Variants in GABRA2 observed in about 807,000 individuals in gnomAD.
GABRA2 encodes the protein gamma-aminobutyric acid receptor subunit alpha-2.
A neutral mutation model predicts 48.7 loss-of-function variants in GABRA2; 16 were observed. That is an observed-to-expected ratio of 0.33 (90% CI 0.22 to 0.50). The LOEUF (loss-of-function observed/expected upper bound fraction) is 0.50. GABRA2 is among the 20% of genes least tolerant of loss of function. GABRA2 has a pLI of 0.98. For synonymous variants in GABRA2, 185 were observed against 184.5 expected, an observed-to-expected ratio of 1.00 and a Z score of -0.02; for missense variants, 275 against 535.6, an observed-to-expected ratio of 0.51 and a Z score of 4.80.
intron 3 of GABRA2, among the ~76,000 whole-genome samples, chr4:46,360,858 A>C (rs1713064495): frequency 6.6e-6 from 1 of 152,230 alleles, no homozygotes; most frequent in Non-Finnish European, 1.5e-5. Flanking sequence ...TGGGAACTGG[A>C]GCAAAGATGA....
chr4:46,379,444 C>T (rs559516096), intron 3 of GABRA2, among the ~76,000 whole-genome samples: 1 of 152,174 alleles, frequency 6.6e-6, no homozygotes, highest in South Asian at 2.1e-4. Flanking sequence ...TGATATCAGT[C>T]ATTTACACTT....
intron 8 of GABRA2, among the ~76,000 whole-genome samples, chr4:46,272,110 A>G (rs1437138775): frequency 6.6e-6 from 1 of 151,974 alleles, no homozygotes; most frequent in Non-Finnish European, 1.5e-5. Flanking sequence ...AATTCTCCTA[A>G]TGCTGCAGTA....
Position 46,291,747 on chromosome 4 carries a change from T to C in GABRA2, c.856+11713A>G, listed in dbSNP as rs563440052. On this transcript the variant is annotated intron_variant, in intron 8 of 9. Coordinates refer to ENST00000381620, the MANE Select transcript of GABRA2 (RefSeq NM_000807.4). ...TGTGTGACCTTCTGACTTGTGATCA[T>C]GTGAGTTAATACTATTAATAAACAC... Among the ~76,000 whole-genome samples the C allele has an allele frequency of 2.0e-5, 3 of 150,196 alleles. No individual in the cohort carries two copies. In the South Asian group the frequency reaches 6.3e-4, roughly 31 times the overall value.
intron 8 of GABRA2, among the ~76,000 whole-genome samples, chr4:46,292,403 G>C (rs900964287): frequency 2.6e-5 from 4 of 152,166 alleles, no homozygotes; most frequent in Non-Finnish European, 4.4e-5. Context: ...GGTGTCTACT[G>C]TTAAAGTGAG....
intron 3 of GABRA2, among the ~76,000 whole-genome samples, chr4:46,359,491 G>A (rs1712801122): frequency 6.6e-6 from 1 of 152,070 alleles, no homozygotes; most frequent in Admixed American, 6.5e-5. Flanking sequence ...TCAGAAATGT[G>A]TAACTACAAC....
chr4:46,295,151 A>G (rs1034554804), intron 8 of GABRA2, among the ~76,000 whole-genome samples: 4 of 152,224 alleles, frequency 2.6e-5, no homozygotes, highest in African/African-American at 9.6e-5. Context: ...CAGCTGCAGC[A>G]CTGCAGCCCA....
intron 8 of GABRA2, among the ~76,000 whole-genome samples, chr4:46,278,155 A>T (rs946111877): frequency 4.6e-5 from 7 of 152,230 alleles, no homozygotes; most frequent in African/African-American, 1.7e-4. Context: ...ATACACACAC[A>T]CTTATACACA....
intron 8 of GABRA2, 55 bp from the exon 9 acceptor site, chr4:46,262,183 T>C: frequency 6.9e-7 from 1 of 1,449,990 alleles, no homozygotes; most frequent in Non-Finnish European, 9.7e-7. Flanking sequence ...CAGGACAGCA[T>C]GGGAAGTAGC....
intron 3 of GABRA2, among the ~76,000 whole-genome samples, chr4:46,359,006 C>T (rs905659785): frequency 2.6e-5 from 4 of 152,166 alleles, no homozygotes; most frequent in African/African-American, 9.7e-5. Flanking sequence ...AAACACACAC[C>T]TGTTATACCA....
At chr4:46,299,287 T>C (rs1421040561) in intron 8 of GABRA2, among the ~76,000 whole-genome samples, 1 of 151,888 alleles carries the variant, frequency 6.6e-6, no homozygotes, top group Admixed American at 6.6e-5. Context: ...GTACACTTTT[T>C]AAAAATTGCT....
intron 3 of GABRA2, among the ~76,000 whole-genome samples, chr4:46,358,431 ATATAG>A (rs1243670999): frequency 6.6e-6 from 1 of 152,240 alleles, no homozygotes; most frequent in Non-Finnish European, 1.5e-5. Flanking sequence ...CTGATGTTCC[ATATAG>A]TATAACATAT....
intron 9 of GABRA2, among the ~76,000 whole-genome samples, chr4:46,254,621 A>G (rs954980771): frequency 6.6e-6 from 1 of 151,428 alleles, no homozygotes; most frequent in Non-Finnish European, 1.5e-5. Flanking sequence ...TTACAAGTTG[A>G]GAATGGGATC....
chr4:46,332,098 G>C (rs1462383797), intron 4 of GABRA2, among the ~76,000 whole-genome samples: 4 of 152,012 alleles, frequency 2.6e-5, no homozygotes, highest in Non-Finnish European at 5.9e-5. Flanking sequence ...ATTTTTTTAG[G>C]TTGATTTATA....
rs1313726556 is a variant in GABRA2, at chr4:46,332,531, T to C, written c.255+84A>G. 3 of 792,240 alleles carry C rather than the reference T, an allele frequency of 3.8e-6. No individual in the cohort carries two copies. In the Admixed American group the frequency reaches 5.5e-5, roughly 15 times the overall value. The allele number at this position is 792,240 out of a possible 1,614,324, so 49.1% of individuals were successfully genotyped here. ...GACATGAGACATATACATAATTCTA[T>C]AACACTAAAAATGCTAGTTTATTTG... On this transcript the variant is annotated intron_variant, in intron 4 of 9. Transcript: ENST00000381620.
intron 8 of GABRA2, among the ~76,000 whole-genome samples, chr4:46,295,524 G>A (rs760965425): frequency 6.6e-6 from 1 of 152,208 alleles, no homozygotes; most frequent in South Asian, 2.1e-4. Context: ...ACACCACCCA[G>A]CCTCTTTCCT....
rs894357538 is a variant in GABRA2, at chr4:46,243,819, T to C, written c.*6489A>G. On this transcript the variant is annotated 3_prime_UTR_variant, in exon 10 of 10. Coordinates refer to ENST00000381620, the MANE Select transcript of GABRA2 (RefSeq NM_000807.4). ...ACTATCAAAGTTTAGTGTTGAAGGT[T>C]CCTCACATTCTCTCTGCATGTGATC... is the stretch of plus-strand genomic sequence containing the variant. The C allele has an allele frequency of 2.0e-5, 3 of 151,596 alleles. No homozygotes were observed. Among genetic ancestry groups the C allele is most frequent in the Non-Finnish European group, 4.4e-5 (3 of 67,664 alleles). The allele number at this position is 151,596 out of a possible 1,614,324, so 9.4% of individuals were successfully genotyped here. A position where few individuals can be genotyped will look rare whatever the true frequency, so the allele number is the denominator to read the frequency against.
At chr4:46,324,933 G>A (rs1730085022) in intron 4 of GABRA2, among the ~76,000 whole-genome samples, 1 of 151,938 alleles carries the variant, frequency 6.6e-6, no homozygotes, top group Non-Finnish European at 1.5e-5. Context: ...TTTCCAAGGT[G>A]TACACAGACC....
intron 3 of GABRA2, among the ~76,000 whole-genome samples, chr4:46,357,296 G>A (rs531944800): frequency 6.6e-6 from 1 of 151,016 alleles, no homozygotes; most frequent in Admixed American, 6.6e-5. Flanking sequence ...TGCTTTCTAT[G>A]TCTAGTTTTT....
chr4:46,344,116 G>T (rs1010823710), intron 3 of GABRA2, among the ~76,000 whole-genome samples: 8 of 151,798 alleles, frequency 5.3e-5, no homozygotes, highest in African/African-American at 1.7e-4. Flanking sequence ...TACACACCAA[G>T]AAATAAAAAA....
Sources: gnomAD v4.1 joint callset for allele counts (sites outside exome capture counted in the v4.1 genomes callset) on GRCh38, gnomAD v4.1.1 for gene constraint, MANE v1.5 for transcripts, NCBI Gene and HGNC (gene_info 2026-07-23, HGNC 2026-07-21) for gene names.